Variants in NAV3 observed in about 807,000 individuals in gnomAD.
NAV3 encodes the protein neuron navigator 3.
In NAV3, 87 loss-of-function variants were observed where a neutral mutation model predicts 244.7. The ratio of observed to expected loss-of-function variants is 0.36; its 90% CI spans 0.30 to 0.42. The LOEUF is 0.42. Ranked by LOEUF, NAV3 falls within the 20% of genes least tolerant of loss-of-function variation. The pLI is 1.00. For synonymous variants in NAV3, 1,126 were observed against 1,042.2 expected, an observed-to-expected ratio of 1.08 and a Z score of -1.55; for missense variants, 2,663 against 2,893.3, an observed-to-expected ratio of 0.92 and a Z score of 1.83.
intron 2 of NAV3, among the ~76,000 whole-genome samples, chr12:77,764,612 T>G (rs1869648750): frequency 6.6e-6 from 1 of 152,238 alleles, no homozygotes; most frequent in Non-Finnish European, 1.5e-5. Context: ...CTTCATAGGA[T>G]TTTTCAAAAG....
At chr12:77,693,666 C>T (rs1875141561) in intron 2 of NAV3, among the ~76,000 whole-genome samples, 1 of 151,976 alleles carries the variant, frequency 6.6e-6, no homozygotes, top group Non-Finnish European at 1.5e-5. Flanking sequence ...TGAGGCAACC[C>T]CTGTTACCAT....
At chr12:78,096,594 A>G (rs1391764588) in intron 12 of NAV3, among the ~76,000 whole-genome samples, 1 of 152,176 alleles carries the variant, frequency 6.6e-6, no homozygotes. Flanking sequence ...TGCAGACAAG[A>G]GAGCATGTGC....
At chr12:77,819,610 G>A (rs868729432) in intron 2 of NAV3, among the ~76,000 whole-genome samples, 4 of 151,680 alleles carry the variant, frequency 2.6e-5, no homozygotes, top group Admixed American at 6.6e-5. Flanking sequence ...AAATACAGTG[G>A]GAAAGCATTG....
chr12:77,580,137 T>G (rs1869283622), intron 2 of NAV3, among the ~76,000 whole-genome samples: 1 of 151,820 alleles, frequency 6.6e-6, no homozygotes, highest in Non-Finnish European at 1.5e-5. Flanking sequence ...CTCTCCAAAC[T>G]GCATATAACA....
chr12:77,799,488 G>A (rs1871591807), intron 2 of NAV3, among the ~76,000 whole-genome samples: 1 of 152,124 alleles, frequency 6.6e-6, no homozygotes, highest in Non-Finnish European at 1.5e-5. Context: ...TAGTAGCTAT[G>A]ATTGGTGATA....
Position 78,026,978 on chromosome 12 carries a change from A to G in NAV3, c.2023+5116A>G, listed in dbSNP as rs1054415616. Among the ~76,000 whole-genome samples, 28 of 152,208 alleles carry G rather than the reference A, an allele frequency of 1.8e-4. 1 individual carries two copies. Among genetic ancestry groups the G allele is most frequent in the Admixed American group, 1.4e-3 (21 of 15,288 alleles). ...GTGAACTTATGACCAATTATACTCA[A>G]CTGAAGGGGTTGATATAAATGGAAA... On this transcript the variant is annotated intron_variant, in intron 9 of 39. Coordinates refer to ENST00000397909, the MANE Select transcript of NAV3 (RefSeq NM_001024383.2).
At chr12:78,111,619 G>A (rs1955097204) in intron 12 of NAV3, among the ~76,000 whole-genome samples, 1 of 152,076 alleles carries the variant, frequency 6.6e-6, no homozygotes, top group Admixed American at 6.6e-5. Context: ...ACAAGGATAT[G>A]GAGCAACTGA....
chr12:77,888,908 A>G (rs1440733172), intron 1 of NAV3, among the ~76,000 whole-genome samples: 1 of 152,164 alleles, frequency 6.6e-6, no homozygotes, highest in Non-Finnish European at 1.5e-5. Context: ...CTTGTTCTAT[A>G]TAATATGGAC....
rs754637645 is a variant in NAV3 at position 78,050,824 on chromosome 12, C to T, written c.2193C>T (p.Pro731=). The T allele has an allele frequency of 1.5e-5, 24 of 1,613,548 alleles. No homozygotes were observed. Among genetic ancestry groups the T allele is most frequent in the Non-Finnish European group, 1.9e-5 (23 of 1,179,714 alleles). Residue 731 remains proline (P), a synonymous_variant, in exon 11 of 40, where the codon CCC becomes CCT. Coordinates refer to ENST00000397909, the MANE Select transcript of NAV3 (RefSeq NM_001024383.2). ...CAGAAGTTAATGGAAGGACCATACCCAACTTGACAAGTCGACCCACCCCCA... is the reference window on the plus strand; with the variant it reads ...CAGAAGTTAATGGAAGGACCATACCTAACTTGACAAGTCGACCCACCCCCA... ...VTTEVNGRTI[P]NLTSRPTPMT...
intron 23 of NAV3, among the ~76,000 whole-genome samples, chr12:78,162,047 C>T (rs1281628107): frequency 6.6e-6 from 1 of 152,112 alleles, no homozygotes; most frequent in Non-Finnish European, 1.5e-5. Flanking sequence ...GGAGAAAACT[C>T]TTTGGCACTA....
chr12:77,961,696 T>C (rs1892030196), intron 3 of NAV3, among the ~76,000 whole-genome samples: 1 of 147,718 alleles, frequency 6.8e-6, no homozygotes, highest in African/African-American at 2.5e-5. Flanking sequence ...ATATATGTTA[T>C]ATAATATAAG....
chr12:77,908,494 T>C (rs1020413216), intron 1 of NAV3, among the ~76,000 whole-genome samples: 3 of 152,056 alleles, frequency 2.0e-5, no homozygotes, highest in Admixed American at 2.0e-4. Flanking sequence ...ATACAGGTAT[T>C]TTTAAGATAA....
intron 3 of NAV3, among the ~76,000 whole-genome samples, chr12:77,945,121 G>A (rs1171392860): frequency 9.0e-5 from 13 of 145,220 alleles, no homozygotes; most frequent in Non-Finnish European, 7.6e-5. Flanking sequence ...CACTGTTAGA[G>A]AAAAAAAAAA....
Position 77,864,508 on chromosome 12 carries a change from G to A in NAV3, c.243+32804G>A, listed in dbSNP as rs1879719749. Among the ~76,000 whole-genome samples the A allele has an allele frequency of 2.0e-5, 3 of 151,856 alleles. No homozygotes were observed. In the South Asian group the frequency reaches 6.2e-4, roughly 31 times the overall value. ...CCTACATAGTAAATAAATATTTATG[G>A]AGCTTTGATGCAAGGAGGCATAGTT... On this transcript the variant is annotated intron_variant, in intron 1 of 39. Coordinates refer to ENST00000397909, the MANE Select transcript of NAV3 (RefSeq NM_001024383.2).
intron 39 of NAV3, among the ~76,000 whole-genome samples, chr12:78,209,589 T>A (rs1047417970): frequency 2.6e-5 from 4 of 151,534 alleles, no homozygotes; most frequent in Admixed American, 2.0e-4. Flanking sequence ...GAGCTCCAGA[T>A]CTATCAAAAT....
intron 12 of NAV3, among the ~76,000 whole-genome samples, chr12:78,066,229 A>G (rs1431633263): frequency 1.3e-5 from 2 of 152,084 alleles, no homozygotes; most frequent in African/African-American, 4.8e-5. Context: ...TGAAAACATT[A>G]CCTTGAAGTC....
chr12:78,036,954 C>T, intron 9 of NAV3: 1 of 703,000 alleles, frequency 1.4e-6, no homozygotes, highest in Non-Finnish European at 2.6e-6. Flanking sequence ...TCTGACCAAT[C>T]TTTCCCTCAC....
At chr12:77,998,778 G>GA (rs35712621) in intron 7 of NAV3, among the ~76,000 whole-genome samples, 1 of 152,042 alleles carries the variant, frequency 6.6e-6, no homozygotes, top group Non-Finnish European at 1.5e-5. Flanking sequence ...TTATGTTTTT[G>GA]AAAATGTATC....
intron 9 of NAV3, among the ~76,000 whole-genome samples, chr12:78,023,569 C>A (rs573323172): frequency 6.6e-6 from 1 of 152,128 alleles, no homozygotes; most frequent in Non-Finnish European, 1.5e-5. Flanking sequence ...TGAGACTTGT[C>A]TAATTATGTC....
Sources: allele counts gnomAD v4.1 joint callset (sites outside exome capture counted in the v4.1 genomes callset), GRCh38; gene constraint gnomAD v4.1.1; transcripts MANE v1.5; gene names NCBI Gene and HGNC (gene_info 2026-07-23, HGNC 2026-07-21).